PCDHGB1: variants seen among roughly 807,000 people sequenced by gnomAD.
PCDHGB1 encodes the protein protocadherin gamma-B1.
In PCDHGB1, 34 loss-of-function variants were observed where a neutral mutation model predicts 56.6. The observed-to-expected ratio is 0.60, with a 90% CI of 0.46 to 0.80. PCDHGB1 has a LOEUF of 0.80. Ranked by LOEUF, PCDHGB1 falls within the 30% of genes least tolerant of loss-of-function variation. The pLI is 0.00. For missense variants in PCDHGB1, 1,278 were observed against 1,204.6 expected, an observed-to-expected ratio of 1.06 and a Z score of -0.90; for synonymous variants, 561 against 505.9, an observed-to-expected ratio of 1.11 and a Z score of -1.46.
At chr5:141,413,267 GA>G in intron 1 of PCDHGB1, 1 of 1,613,960 alleles carries the variant, frequency 6.2e-7, no homozygotes, top group Non-Finnish European at 8.5e-7. Flanking sequence ...TGGGAGGCTG[GA>G]GCCCGGCAGA....
At chr5:141,409,039 C>A (rs2095214342) in intron 1 of PCDHGB1, 1 of 1,614,004 alleles carries the variant, frequency 6.2e-7, no homozygotes, top group Non-Finnish European at 8.5e-7. Flanking sequence ...AGATAAACTA[C>A]TACTTCCGAA....
In PCDHGB1 at chr5:141,376,165, G is replaced by A. The variant is rs181247360; in HGVS notation, c.2409+23496G>A. ...ATTCGGACCTCACTCTGTACCTGGT[G>A]GTGGCGGTGGCCGCGGTCTCCTGCG... On this transcript the variant is annotated intron_variant, in intron 1 of 3. Coordinates refer to ENST00000523390, the MANE Select transcript of PCDHGB1 (RefSeq NM_018922.3). 5.0e-5 allele frequency: 80 copies of A among 1,614,136 alleles called. No individual in the cohort carries two copies. In the East Asian group the frequency reaches 1.2e-3, roughly 25 times the overall value.
chr5:141,384,221 A>C, intron 1 of PCDHGB1: 1 of 1,613,936 alleles, frequency 6.2e-7, no homozygotes, highest in Non-Finnish European at 8.5e-7. Flanking sequence ...ATATTCATGC[A>C]GGTGGCAGAC....
intron 3 of PCDHGB1, among the ~76,000 whole-genome samples, chr5:141,509,139 A>G (rs1042555376): frequency 2.6e-5 from 4 of 152,140 alleles, no homozygotes; most frequent in African/African-American, 9.7e-5. Flanking sequence ...ACCGAGGCGC[A>G]TCCCGGCTCT....
intron 1 of PCDHGB1, among the ~76,000 whole-genome samples, chr5:141,437,426 C>T (rs531265278): frequency 6.6e-6 from 1 of 152,268 alleles, no homozygotes; most frequent in South Asian, 2.1e-4. Flanking sequence ...CTTTTTGAAG[C>T]AGCAATAGCA....
Position 141,476,757 on chromosome 5 carries a change from T to C in PCDHGB1, c.2410-18050T>C. On this transcript the variant is annotated intron_variant, in intron 1 of 3. Coordinates refer to ENST00000523390, the MANE Select transcript of PCDHGB1 (RefSeq NM_018922.3). This position sits in a 1 kb window ranked among gnomAD's most constrained non-coding sequence, Gnocchi z 7.6. ...CGGGAGCCTAGTCTCCAGTTAGTGC[T>C]GACGGCGTTGGACGGAGGGACCCCA... 1.2e-6 allele frequency: 2 copies of C among 1,613,906 alleles called. No individual in the cohort carries two copies. The highest frequency in any genetic ancestry group is 1.7e-6 in the Non-Finnish European group (2 of 1,180,004).
At chr5:141,445,612 CT>C (rs996122021) in intron 1 of PCDHGB1, among the ~76,000 whole-genome samples, 1 of 151,994 alleles carries the variant, frequency 6.6e-6, no homozygotes, top group Non-Finnish European at 1.5e-5. Flanking sequence ...GGAAGGCTTT[CT>C]TTTTTTCGGA....
At chr5:141,374,935 T>C in intron 1 of PCDHGB1, 1 of 1,614,020 alleles carries the variant, frequency 6.2e-7, no homozygotes, top group East Asian at 2.2e-5. Context: ...TTGTGAAGAT[T>C]ACAGAAAAGA....
intron 1 of PCDHGB1, chr5:141,366,619 G>T (rs769993265): frequency 6.2e-7 from 1 of 1,614,222 alleles, no homozygotes; most frequent in Non-Finnish European, 8.5e-7. Flanking sequence ...CCGCGGACTC[G>T]AGGAAGAGTC....
intron 1 of PCDHGB1, chr5:141,416,489 G>A (rs2096031582): frequency 1.3e-5 from 2 of 152,158 alleles, no homozygotes; most frequent in Admixed American, 1.3e-4. Context: ...GAGAACAGGA[G>A]CAAGAGATAT....
intron 1 of PCDHGB1, chr5:141,422,846 A>T: frequency 2.5e-6 from 4 of 1,614,102 alleles, no homozygotes; most frequent in Non-Finnish European, 3.4e-6. Flanking sequence ...GACAGCGGGG[A>T]CCCGCCCCTC....
chr5:141,458,695 G>T (rs551105765), intron 1 of PCDHGB1, among the ~76,000 whole-genome samples: 2 of 151,734 alleles, frequency 1.3e-5, no homozygotes, highest in Non-Finnish European at 2.9e-5. Context: ...TCAGCCTCCC[G>T]AGTAGCTGGG....
rs368927472 is a variant in PCDHGB1 at position 141,490,874 on chromosome 5, A to G, written c.2410-3933A>G. The G allele has an allele frequency of 2.4e-5, 39 of 1,613,830 alleles. No individual in the cohort carries two copies. Among genetic ancestry groups the G allele is most frequent in the Non-Finnish European group, 3.1e-5 (36 of 1,179,960 alleles). ...CGAGACTCCGGCTCTCCCCCATTGCATGCCAACACATCTCTGCATGTGTTT... is the reference window on the plus strand; with the variant it reads ...CGAGACTCCGGCTCTCCCCCATTGCGTGCCAACACATCTCTGCATGTGTTT... On this transcript the variant is annotated intron_variant, in intron 1 of 3. Transcript: ENST00000523390. This position sits in a 1 kb window ranked among gnomAD's most constrained non-coding sequence, Gnocchi z 5.4.
chr5:141,400,454 T>C (rs779993462), intron 1 of PCDHGB1: 1 of 1,614,096 alleles, frequency 6.2e-7, no homozygotes, highest in Non-Finnish European at 8.5e-7. Flanking sequence ...CAAGACATAC[T>C]TTGTGGTGAT....
chr5:141,481,142 G>T (rs2099532501), intron 1 of PCDHGB1, among the ~76,000 whole-genome samples: 1 of 152,212 alleles, frequency 6.6e-6, no homozygotes, highest in Non-Finnish European at 1.5e-5. Context: ...GAAGTAAAGT[G>T]TTATTCTGGT....
intron 1 of PCDHGB1, among the ~76,000 whole-genome samples, chr5:141,469,821 G>A (rs2099212107): frequency 6.6e-6 from 1 of 152,028 alleles, no homozygotes; most frequent in Admixed American, 6.6e-5. Flanking sequence ...TAGAATGGAG[G>A]TCACATAAAA....
In PCDHGB1 at chr5:141,511,186, G is replaced by T; in HGVS notation, c.*13G>T. On this transcript the variant is annotated 3_prime_UTR_variant, in exon 4 of 4. Transcript: ENST00000523390. ...GGAGAAGAAGTAACATGGAGGCCAG[G>T]CCAAGAGCCACAGGGCGGCCTCTCC... 6.2e-7 allele frequency: 1 copy of T among 1,613,906 alleles called. No individual in the cohort carries two copies. The highest frequency in any genetic ancestry group is 2.2e-5 in the East Asian group (1 of 44,876).
chr5:141,366,557 G>T lies in PCDHGB1; in HGVS notation c.2409+13888G>T, dbSNP rs376762797. On this transcript the variant is annotated intron_variant, in intron 1 of 3. Transcript: ENST00000523390. Reference sequence around the variant, plus strand: ...TGTGCCCGCCTCGCACTTTGTGGGCGTGGATGGGGTTCGGGCTTTCCTGCA... The same window carrying T: ...TGTGCCCGCCTCGCACTTTGTGGGCTTGGATGGGGTTCGGGCTTTCCTGCA... The T allele has an allele frequency of 3.5e-5, 56 of 1,614,268 alleles. No homozygotes were observed. In the African/African-American group the frequency reaches 4.3e-4, roughly 12 times the overall value.
intron 1 of PCDHGB1, chr5:141,393,077 C>T (rs2150506328): frequency 6.2e-7 from 1 of 1,613,710 alleles, no homozygotes; most frequent in Non-Finnish European, 8.5e-7. Flanking sequence ...TCACCGCGGG[C>T]AGGATAGATC....
Sources: allele counts gnomAD v4.1 joint callset (sites outside exome capture counted in the v4.1 genomes callset), GRCh38; gene constraint gnomAD v4.1.1; non-coding constraint Gnocchi (gnomAD v3.1); transcripts MANE v1.5; gene names NCBI Gene and HGNC (gene_info 2026-07-23, HGNC 2026-07-21).